The following KIAA1328 variants were observed in gnomAD, a reference collection of about 807,000 sequenced individuals.
KIAA1328 encodes KIAA1328.
KIAA1328 carries 52 observed loss-of-function variants against 68.1 expected under a neutral mutation model. The ratio of observed to expected loss-of-function variants is 0.76; its 90% confidence interval spans 0.61 to 0.96. KIAA1328 has a LOEUF of 0.96. Ranked by LOEUF, KIAA1328 falls within the 40% of genes least tolerant of loss-of-function variation. KIAA1328 has a pLI of 0.00. For missense variants in KIAA1328, 641 were observed against 677.6 expected, an observed-to-expected ratio of 0.95 and a Z score of 0.60; for synonymous variants, 232 against 239.4, an observed-to-expected ratio of 0.97 and a Z score of 0.28.
intron 4 of KIAA1328, among the ~76,000 whole-genome samples, chr18:36,874,605 C>T (rs570838262): frequency 2.6e-4 from 39 of 152,202 alleles, no homozygotes; most frequent in African/African-American, 9.2e-4. Flanking sequence ...GGATAGATTG[C>T]AAAAATTTTC....
intron 6 of KIAA1328, among the ~76,000 whole-genome samples, chr18:37,003,988 G>A (rs1277183481): frequency 1.3e-5 from 2 of 152,040 alleles, no homozygotes; most frequent in Admixed American, 1.3e-4. Flanking sequence ...GGTGACTCTG[G>A]CCCTATAGTA....
Position 37,104,548 on chromosome 18 carries a change from A to G in KIAA1328, c.1232+37003A>G, listed in dbSNP as rs1487170587. Among the ~76,000 whole-genome samples the G allele has an allele frequency of 9.2e-5, 14 of 152,302 alleles. No homozygotes were observed. In the East Asian group the frequency reaches 2.5e-3, roughly 27 times the overall value. ...GAGGAGTGATTGATGAATGGGTACA[A>G]ACACACAGATGGAAGGAATAAGTTC... On this transcript the variant is annotated intron_variant, in intron 7 of 9. Coordinates refer to ENST00000280020, the MANE Select transcript of KIAA1328 (RefSeq NM_020776.3).
intron 9 of KIAA1328, among the ~76,000 whole-genome samples, chr18:37,192,169 G>GTGTGTGTGTGTGTGTA (rs1249747710): frequency 4.0e-5 from 6 of 151,596 alleles, no homozygotes; most frequent in African/African-American, 7.3e-5. Flanking sequence ...GTGTGTGTGT[G>GTGTGTGTGTGTGTGTA]TGTGTGTATG....
chr18:37,099,723 G>A (rs959122962), intron 7 of KIAA1328, among the ~76,000 whole-genome samples: 1 of 152,098 alleles, frequency 6.6e-6, no homozygotes, highest in African/African-American at 2.4e-5. Flanking sequence ...TCTCTTTGTA[G>A]GTCTCTAAGG....
intron 4 of KIAA1328, among the ~76,000 whole-genome samples, chr18:36,852,432 ACAAACTG>A (rs2047242841): frequency 6.6e-6 from 1 of 152,202 alleles, no homozygotes; most frequent in East Asian, 1.9e-4. Context: ...TAGCAAACTG[ACAAACTG>A]CGTCTGTCGC....
chr18:37,033,820 G>A (rs1198177144), intron 6 of KIAA1328, among the ~76,000 whole-genome samples: 1 of 152,170 alleles, frequency 6.6e-6, no homozygotes, highest in Non-Finnish European at 1.5e-5. Context: ...CTCACTGAAC[G>A]ATAGTCTGGA....
intron 7 of KIAA1328, among the ~76,000 whole-genome samples, chr18:37,150,884 A>G (rs1188514728): frequency 1.8e-4 from 28 of 152,158 alleles, no homozygotes; most frequent in Admixed American, 1.7e-3. Flanking sequence ...TCTCTTTAAT[A>G]ACAAACACTT....
At chr18:36,978,050 T>A (rs2052540349) in intron 6 of KIAA1328, among the ~76,000 whole-genome samples, 1 of 152,140 alleles carries the variant, frequency 6.6e-6, no homozygotes, top group Admixed American at 6.6e-5. Context: ...CTCAAAGTGC[T>A]GAGATTACAG....
intron 4 of KIAA1328, among the ~76,000 whole-genome samples, chr18:36,884,951 T>C (rs946640020): frequency 1.1e-4 from 16 of 152,170 alleles, no homozygotes; most frequent in Middle Eastern, 6.8e-3. Context: ...ATTTTCTTGG[T>C]CCATGTTTTT....
At chr18:36,865,060 T>C (rs1452679432) in intron 4 of KIAA1328, among the ~76,000 whole-genome samples, 2 of 151,934 alleles carry the variant, frequency 1.3e-5, no homozygotes, top group Non-Finnish European at 2.9e-5. Flanking sequence ...TTCACTCTTA[T>C]CTCTATTATT....
chr18:37,111,792 C>G (rs1044071624), intron 7 of KIAA1328, among the ~76,000 whole-genome samples: 3 of 152,294 alleles, frequency 2.0e-5, no homozygotes, highest in South Asian at 2.1e-4. Flanking sequence ...CCATGACAGA[C>G]AGCACCTGGA....
chr18:37,063,621 A>G (rs754066946), intron 6 of KIAA1328: 60 of 985,134 alleles, frequency 6.1e-5, no homozygotes, highest in Non-Finnish European at 6.9e-5. Context: ...ACACATGCAC[A>G]GTAACCAAGC....
chr18:37,044,893 TA>T, intron 6 of KIAA1328, among the ~76,000 whole-genome samples: 1 of 151,600 alleles, frequency 6.6e-6, no homozygotes, highest in East Asian at 1.9e-4. Context: ...ATGTTAAAAA[TA>T]AATACGATAA....
In KIAA1328 at chr18:36,970,698, C is replaced by T. The variant is rs550835863; in HGVS notation, c.576+11263C>T. The stretch of plus-strand genomic sequence containing the variant: ...CAAATCATGAGTGAACTCCCATTCA[C>T]AATTGCTACAAAGATAATAAAATAC... On this transcript the variant is annotated intron_variant, in intron 6 of 9. Transcript: ENST00000280020. 7.2e-5 allele frequency among the ~76,000 whole-genome samples: 11 copies of T among 152,262 alleles called. No homozygotes were observed. In the East Asian group the frequency reaches 1.7e-3, roughly 24 times the overall value.
intron 7 of KIAA1328, among the ~76,000 whole-genome samples, chr18:37,083,416 G>A (rs1232560592): frequency 6.6e-6 from 1 of 152,158 alleles, no homozygotes; most frequent in East Asian, 1.9e-4. Context: ...TTCAGAGTTT[G>A]ATTTCATAGT....
At chr18:37,050,485 T>C (rs1029134603) in intron 6 of KIAA1328, among the ~76,000 whole-genome samples, 7 of 152,220 alleles carry the variant, frequency 4.6e-5, no homozygotes, top group African/African-American at 1.7e-4. Context: ...TGCTTTTCTT[T>C]CTCATATACA....
intron 6 of KIAA1328, among the ~76,000 whole-genome samples, chr18:36,961,061 A>T (rs2051647488): frequency 6.6e-6 from 1 of 152,180 alleles, no homozygotes; most frequent in African/African-American, 2.4e-5. Context: ...GGAAGCTAAA[A>T]ACCTTGAAAA....
At chr18:37,153,777 G>A (rs1422655422) in intron 7 of KIAA1328, among the ~76,000 whole-genome samples, 10 of 149,624 alleles carry the variant, frequency 6.7e-5, no homozygotes, top group Admixed American at 6.7e-4. Flanking sequence ...GGAAGTGAAC[G>A]GAGGAATTAA....
In KIAA1328 at chr18:37,010,014, A is replaced by G. The variant is rs571645866; in HGVS notation, c.576+50579A>G. 3.3e-5 allele frequency among the ~76,000 whole-genome samples: 5 copies of G among 152,320 alleles called. No individual in the cohort carries two copies. The South Asian group carries it at 1.0e-3, about 32-fold the overall frequency. ...AAAGGCCTTAGGCATTAGAAACACT[A>G]AGGAAAAGCTTACCATGATATAGCT... is the stretch of plus-strand genomic sequence containing the variant. On this transcript the variant is annotated intron_variant, in intron 6 of 9. Transcript: ENST00000280020.
Sources: gnomAD v4.1 joint callset for allele counts (sites outside exome capture counted in the v4.1 genomes callset) on GRCh38, gnomAD v4.1.1 for gene constraint, MANE v1.5 for transcripts, NCBI Gene and HGNC (gene_info 2026-07-23, HGNC 2026-07-21) for gene names.